The following RNASEH2B variants were observed in gnomAD, a reference collection of about 807,000 sequenced individuals.
RNASEH2B encodes Aicardi-Goutieres syndrome 2 protein.
RNASEH2B carries 36 observed loss-of-function variants against 45.0 expected under a neutral mutation model. The observed-to-expected ratio is 0.80, with a 90% CI of 0.61 to 1.06. RNASEH2B has a LOEUF of 1.06. Ranked by LOEUF, RNASEH2B falls within the 50% of genes least tolerant of loss-of-function variation. The pLI is 0.00. For synonymous variants in RNASEH2B, 119 were observed against 125.7 expected, an observed-to-expected ratio of 0.95 and a Z score of 0.35; for missense variants, 361 against 360.3, an observed-to-expected ratio of 1.00 and a Z score of -0.02.
intron 5 of RNASEH2B, among the ~76,000 whole-genome samples, chr13:50,940,300 G>A (rs1302648987): frequency 6.6e-6 from 1 of 152,142 alleles, no homozygotes; most frequent in African/African-American, 2.4e-5. Flanking sequence ...AACTTTGGGG[G>A]ATGATGCTTA....
chr13:50,967,127 T>C (rs1485497055), intron 9 of RNASEH2B, among the ~76,000 whole-genome samples: 4 of 152,176 alleles, frequency 2.6e-5, no homozygotes, highest in Non-Finnish European at 5.9e-5. Flanking sequence ...CGCTGGTGCT[T>C]GGGGAGCCAT....
chr13:50,913,574 A>G (rs1054981085), intron 1 of RNASEH2B, among the ~76,000 whole-genome samples: 1 of 152,184 alleles, frequency 6.6e-6, no homozygotes, highest in African/African-American at 2.4e-5. Flanking sequence ...AATATTCCTT[A>G]ATCAGCCCCC....
At chr13:50,927,370 T>G in intron 1 of RNASEH2B, 37 bp from the exon 2 acceptor site, 1 of 1,218,132 alleles carries the variant, frequency 8.2e-7, no homozygotes, top group South Asian at 1.2e-5. Flanking sequence ...AAAACAGCTG[T>G]GTGTTTTAAT....
intron 6 of RNASEH2B, among the ~76,000 whole-genome samples, chr13:50,944,075 G>A (rs977436788): frequency 6.3e-4 from 96 of 151,858 alleles, no homozygotes; most frequent in Non-Finnish European, 5.7e-4. Context: ...GGGATGGGAT[G>A]GGATGGGTTA....
chr13:50,934,875 GT>G lies in RNASEH2B; in HGVS notation c.322-4del. On this transcript the variant is annotated splice_polypyrimidine_tract_variant and intron_variant, in intron 4 of 10. Coordinates refer to ENST00000336617, the MANE Select transcript of RNASEH2B (RefSeq NM_024570.4). ...TGAAATGCTTGCTTTCCAACTAACTGTTTTTTCAGGGGAAGTTTCAGCCCCT... is the reference window on the plus strand; with the variant it reads ...TGAAATGCTTGCTTTCCAACTAACTGTTTTTCAGGGGAAGTTTCAGCCCCT... The G allele has an allele frequency of 2.5e-6, 4 of 1,579,554 alleles. No individual in the cohort carries two copies. Among genetic ancestry groups the G allele is most frequent in the Non-Finnish European group, 3.5e-6 (4 of 1,149,976 alleles).
chr13:50,953,729 A>G (rs896932666), intron 9 of RNASEH2B, 176 bp from the exon 10 acceptor site: 7 of 618,844 alleles, frequency 1.1e-5, no homozygotes, highest in African/African-American at 5.5e-5. Flanking sequence ...GTGTGGCTCA[A>G]TTCCCTAGAT....
intron 3 of RNASEH2B, among the ~76,000 whole-genome samples, chr13:50,930,380 A>G (rs1213064711): frequency 2.0e-5 from 3 of 152,056 alleles, no homozygotes; most frequent in Admixed American, 2.0e-4. Flanking sequence ...CTCGTTTTTC[A>G]GGGGGTTGGG....
chr13:50,927,203 C>T (rs1344350715), intron 1 of RNASEH2B: 1 of 485,932 alleles, frequency 2.1e-6, no homozygotes, highest in Non-Finnish European at 3.8e-6. Context: ...TTCCTCATAG[C>T]AATACATTTA....
chr13:50,923,877 G>A (rs1310205890), intron 1 of RNASEH2B, among the ~76,000 whole-genome samples: 1 of 152,200 alleles, frequency 6.6e-6, no homozygotes, highest in Non-Finnish European at 1.5e-5. Flanking sequence ...GATGTAATTT[G>A]TATGACAGTA....
At chr13:50,958,270 T>TTA (rs1952075729), downstream of RNASEH2B, among the ~76,000 whole-genome samples, 1 of 152,208 alleles carries the variant, frequency 6.6e-6, no homozygotes. Flanking sequence ...TTTTTGTATA[T>TTA]GGTGATAGGT....
At position 50,943,362 on chromosome 13, in the gene RNASEH2B, A is replaced by G. The variant is rs1214026890; in HGVS notation, c.478A>G (p.Lys160Glu). The G allele has an allele frequency of 1.2e-6, 2 of 1,606,932 alleles. No homozygotes were observed. Among genetic ancestry groups the G allele is most frequent in the East Asian group, 2.2e-5 (1 of 44,772 alleles). ...CAACAAGAAATATTACAAGTACAGC[A>G]AAGAGAAGACATTAAAGTGGCTGGA... ...IDNKKYYKYS[K>E]EKTLKWLEKK... is the part of the protein sequence containing the mutation. Residue 160 changes from lysine to glutamate, a missense_variant, in exon 6 of 11, where the codon AAA (lysine) becomes GAA (glutamate). Transcript: ENST00000336617.
At chr13:50,925,222 TG>T (rs1348006821) in intron 1 of RNASEH2B, among the ~76,000 whole-genome samples, 1 of 151,750 alleles carries the variant, frequency 6.6e-6, no homozygotes, top group Non-Finnish European at 1.5e-5. Flanking sequence ...ATTTTTTTTT[TG>T]CAATCTTCTA....
intron 7 of RNASEH2B, among the ~76,000 whole-genome samples, chr13:50,947,326 TTAA>T (rs1593474102): frequency 6.6e-6 from 1 of 152,000 alleles, no homozygotes; most frequent in Non-Finnish European, 1.5e-5. Flanking sequence ...TGCTTTAGAA[TTAA>T]TGATGATAAA....
chr13:50,945,011 T>C (rs760383533), intron 6 of RNASEH2B, among the ~76,000 whole-genome samples: 7 of 152,230 alleles, frequency 4.6e-5, no homozygotes, highest in Non-Finnish European at 1.0e-4. Context: ...TGTAAGGGCT[T>C]TATTTACATA....
At chr13:50,953,325 C>T (rs946279315) in intron 9 of RNASEH2B, 3 of 154,430 alleles carry the variant, frequency 1.9e-5, no homozygotes, top group African/African-American at 7.2e-5. Flanking sequence ...AACACTGTAT[C>T]AGAATTGAAA....
At chr13:50,926,323 T>C (rs1287037470) in intron 1 of RNASEH2B, among the ~76,000 whole-genome samples, 1 of 152,004 alleles carries the variant, frequency 6.6e-6, no homozygotes, top group Non-Finnish European at 1.5e-5. Flanking sequence ...TAAAAGAGAG[T>C]AAAATCTCCC....
intron 5 of RNASEH2B, chr13:50,938,584 G>C (rs1413415045): frequency 6.6e-6 from 1 of 152,168 alleles, no homozygotes; most frequent in Non-Finnish European, 1.5e-5. Flanking sequence ...GGGTGAAACT[G>C]TTCCACCTCA....
intron 9 of RNASEH2B, among the ~76,000 whole-genome samples, chr13:50,963,532 T>C (rs1212326288): frequency 6.6e-6 from 1 of 152,222 alleles, no homozygotes; most frequent in Non-Finnish European, 1.5e-5. Flanking sequence ...GTATCTGTTC[T>C]TATTATGCTT....
intron 8 of RNASEH2B, 22 bp downstream of exon 8, chr13:50,948,090 TC>T (rs756357546): frequency 6.2e-7 from 1 of 1,609,194 alleles, no homozygotes; most frequent in Non-Finnish European, 8.5e-7. Context: ...TTATCTTCAG[TC>T]ATAATGAAGT....
Sources: allele counts gnomAD v4.1 joint callset (sites outside exome capture counted in the v4.1 genomes callset), GRCh38; gene constraint gnomAD v4.1.1; transcripts MANE v1.5; gene names NCBI Gene and HGNC (gene_info 2026-07-23, HGNC 2026-07-21).